The following SLCO1A2 variants were observed in gnomAD, a reference collection of about 807,000 sequenced individuals.
SLCO1A2 encodes solute carrier organic anion transporter family member 1A2, also known as OATP-1.
Under a neutral mutation model 69.0 loss-of-function variants are expected in SLCO1A2, and 67 were observed. That is an observed-to-expected ratio of 0.97 (90% CI 0.80 to 1.19). SLCO1A2 has a LOEUF of 1.19. SLCO1A2 is among the 50% of genes most tolerant of loss of function. SLCO1A2 has a pLI of 0.00. For missense variants in SLCO1A2, 787 were observed against 793.7 expected, an observed-to-expected ratio of 0.99 and a Z score of 0.10; for synonymous variants, 260 against 265.9, an observed-to-expected ratio of 0.98 and a Z score of 0.22.
At chr12:21,417,605 A>G (rs1942008392) in intron 1 of SLCO1A2, among the ~76,000 whole-genome samples, 1 of 151,946 alleles carries the variant, frequency 6.6e-6, no homozygotes, top group Admixed American at 6.6e-5. Context: ...TTATAAAATT[A>G]TTTGCAGGCA....
At chr12:21,277,606 G>A (rs971171397) in intron 12 of SLCO1A2, among the ~76,000 whole-genome samples, 4 of 152,092 alleles carry the variant, frequency 2.6e-5, no homozygotes, top group African/African-American at 9.7e-5. Context: ...TTTTGCACCA[G>A]GGACTGGTTT....
chr12:21,275,195 A>T, intron 13 of SLCO1A2, 165 bp downstream of exon 13: 1 of 755,930 alleles, frequency 1.3e-6, no homozygotes, highest in Non-Finnish European at 1.8e-6. Context: ...GATTCACCTA[A>T]TGTTAAATGA....
chr12:21,373,581 C>A, intron 2 of SLCO1A2: 1 of 708,776 alleles, frequency 1.4e-6, no homozygotes, highest in South Asian at 1.5e-5. Context: ...TCCTTGAATT[C>A]TGTGTTCTTT....
upstream of SLCO1A2, among the ~76,000 whole-genome samples, chr12:21,399,014 G>A (rs1167791901): frequency 8.7e-5 from 13 of 150,110 alleles, no homozygotes; most frequent in Admixed American, 4.0e-4. Flanking sequence ...AGTGTTGGAA[G>A]TTCTGGCCAG....
chr12:21,401,681 T>G (rs957605239), intron 1 of SLCO1A2, among the ~76,000 whole-genome samples: 1 of 151,776 alleles, frequency 6.6e-6, no homozygotes, highest in Non-Finnish European at 1.5e-5. Context: ...AAATTTTATA[T>G]GGAAGAATAA....
At chr12:21,354,296 T>C (rs1007459881) in intron 2 of SLCO1A2, among the ~76,000 whole-genome samples, 4 of 152,180 alleles carry the variant, frequency 2.6e-5, no homozygotes, top group Non-Finnish European at 4.4e-5. Context: ...TCAATGAACA[T>C]GTGTTTAGTA....
chr12:21,396,841 C>T (rs1941482767), upstream of SLCO1A2, among the ~76,000 whole-genome samples: 1 of 151,920 alleles, frequency 6.6e-6, no homozygotes, highest in Non-Finnish European at 1.5e-5. Flanking sequence ...TTGTCACCAC[C>T]AGGCCTGCCT....
rs376596827 is a variant in SLCO1A2 at position 21,280,034 on chromosome 12, TA to T, written c.1611-4611del. ...CAAGCAATTTTAACATATTATCACC[TA>T]AAAAAATGGGCTATAAGATAGCATT... On this transcript the variant is annotated intron_variant, in intron 12 of 14. Transcript: ENST00000683939. Among the ~76,000 whole-genome samples the T allele has an allele frequency of 1.5e-3, 223 of 151,268 alleles. 7 individuals are homozygous for T. The South Asian group carries it at 0.045, about 31-fold the overall frequency.
intron 2 of SLCO1A2, among the ~76,000 whole-genome samples, chr12:21,331,366 C>A (rs1591853424): frequency 6.6e-6 from 1 of 152,002 alleles, no homozygotes; most frequent in Non-Finnish European, 1.5e-5. Flanking sequence ...CAACAGAAAC[C>A]AAGCGCATAA....
rs999387078 is a variant in SLCO1A2, at chr12:21,267,925, A to G, written c.*1623T>C. 4.6e-5 allele frequency: 7 copies of G among 151,894 alleles called. No homozygotes were observed. The highest frequency in any genetic ancestry group is 2.1e-4 in the South Asian group (1 of 4,806). 9.4% of individuals were successfully genotyped at this position (151,894 alleles called of 1,614,324 possible). ...ATCAAAGTTAAACTCCCCCTTTCCA[A>G]TGATTTTAGTTCCTCTCTCTTGTTT... On this transcript the variant is annotated 3_prime_UTR_variant, in exon 15 of 15. Coordinates refer to ENST00000683939, the MANE Select transcript of SLCO1A2 (RefSeq NM_001386879.1).
intron 1 of SLCO1A2, among the ~76,000 whole-genome samples, chr12:21,416,128 C>G (rs1941984081): frequency 6.6e-6 from 1 of 151,960 alleles, no homozygotes. Flanking sequence ...TTTATAACTT[C>G]TAACATTCTG....
intron 2 of SLCO1A2, chr12:21,373,872 TA>T (rs915974955): frequency 2.0e-6 from 1 of 495,690 alleles, no homozygotes; most frequent in South Asian, 4.1e-5. Flanking sequence ...CTGGAAATGT[TA>T]AAAACTTTTA....
upstream of SLCO1A2, among the ~76,000 whole-genome samples, chr12:21,418,790 G>A (rs982084509): frequency 6.6e-6 from 1 of 152,056 alleles, no homozygotes; most frequent in African/African-American, 2.4e-5. Context: ...AAGAAGTAAG[G>A]GGGTTTCTAC....
At chr12:21,307,910 G>A (rs964265933) in intron 4 of SLCO1A2, among the ~76,000 whole-genome samples, 2 of 152,116 alleles carry the variant, frequency 1.3e-5, no homozygotes, top group South Asian at 4.1e-4. Flanking sequence ...GCTCATTGAT[G>A]CCCAAAGAGT....
chr12:21,358,005 G>T (rs868408450), intron 2 of SLCO1A2, among the ~76,000 whole-genome samples: 1 of 152,124 alleles, frequency 6.6e-6, no homozygotes, highest in Admixed American at 6.5e-5. Context: ...GGTGGGTGGC[G>T]TGAGGTGGGG....
intron 1 of SLCO1A2, among the ~76,000 whole-genome samples, chr12:21,415,850 AC>A (rs1941980210): frequency 6.6e-6 from 1 of 151,622 alleles, no homozygotes; most frequent in African/African-American, 2.4e-5. Context: ...CTTTTCCATT[AC>A]CCTCCTCATC....
At chr12:21,368,843 C>A in intron 2 of SLCO1A2, among the ~76,000 whole-genome samples, 1 of 152,086 alleles carries the variant, frequency 6.6e-6, no homozygotes, top group South Asian at 2.1e-4. Flanking sequence ...AACTATTTTA[C>A]GATAGTGATA....
chr12:21,356,613 A>G (rs1938388144), intron 2 of SLCO1A2, among the ~76,000 whole-genome samples: 1 of 152,160 alleles, frequency 6.6e-6, no homozygotes. Context: ...AGTAGTTTAA[A>G]TATACTAAAG....
upstream of SLCO1A2, among the ~76,000 whole-genome samples, chr12:21,397,976 G>C (rs1327340466): frequency 9.8e-6 from 1 of 102,552 alleles, no homozygotes; most frequent in Non-Finnish European, 2.0e-5. Context: ...AGAAAAGCAA[G>C]AGCAAACACA....
Sources: gnomAD v4.1 joint callset for allele counts (sites outside exome capture counted in the v4.1 genomes callset) on GRCh38, gnomAD v4.1.1 for gene constraint, MANE v1.5 for transcripts, NCBI Gene and HGNC (gene_info 2026-07-23, HGNC 2026-07-21) for gene names.